The following MACC1 variants were observed in gnomAD, a reference collection of about 807,000 sequenced individuals.
MACC1 encodes MET transcriptional regulator MACC1.
MACC1 carries 79 observed loss-of-function variants against 70.7 expected under a neutral mutation model. The observed-to-expected ratio is 1.12, with a 90% CI of 0.93 to 1.35. The LOEUF (loss-of-function observed/expected upper bound fraction) is 1.35. Ranked by LOEUF, MACC1 falls within the 40% of genes most tolerant of loss-of-function variation. The pLI, the probability that MACC1 is intolerant of heterozygous loss-of-function variation, is 0.00. For missense variants in MACC1, 1,106 were observed against 978.1 expected (o/e 1.13, Z -1.74); for synonymous variants, 361 against 347.2 (o/e 1.04, Z -0.44).
chr7:20,185,150 C>T (rs1037520086), intron 1 of MACC1: 1 of 152,082 alleles, frequency 6.6e-6, no homozygotes, highest in Non-Finnish European at 1.5e-5. Context: ...TGAATTCCTC[C>T]CAAAATTGTT....
chr7:20,151,763 T>C (rs1781981873), intron 6 of MACC1, among the ~76,000 whole-genome samples: 1 of 152,204 alleles, frequency 6.6e-6, no homozygotes, highest in Admixed American at 6.5e-5. Context: ...CAATTTTTGA[T>C]AGTATCATGG....
In MACC1 at chr7:20,159,860, G is replaced by C; in HGVS notation, c.501C>G (p.Asp167Glu). Residue 167 changes from aspartate (D) to glutamate (E), a missense_variant, in exon 5 of 7, where the codon GAC becomes GAG. Coordinates refer to ENST00000400331, the MANE Select transcript of MACC1 (RefSeq NM_182762.4). ...IHNSDQILLHDLEWLKNDREA... is the reference protein window; with the variant it reads ...IHNSDQILLHELEWLKNDREA... Reference sequence around the variant, plus strand: ...CCCGATCATTTTTAAGCCACTCTAAGTCGTGTAGTAGGATCTGGTCAGAGT... The same window carrying C: ...CCCGATCATTTTTAAGCCACTCTAACTCGTGTAGTAGGATCTGGTCAGAGT... 1 of 1,614,162 alleles carries C rather than the reference G, an allele frequency of 6.2e-7. No individual in the cohort carries two copies. Among genetic ancestry groups the C allele is most frequent in the Non-Finnish European group, 8.5e-7 (1 of 1,180,036 alleles).
At chr7:20,197,815 T>A (rs955864683) in intron 1 of MACC1, among the ~76,000 whole-genome samples, 4 of 152,250 alleles carry the variant, frequency 2.6e-5, no homozygotes, top group Non-Finnish European at 4.4e-5. Flanking sequence ...CACGTATTTA[T>A]CATGACTTAG....
chr7:20,161,971 A>T, intron 3 of MACC1, 101 bp from the exon 4 acceptor site: 1 of 700,224 alleles, frequency 1.4e-6, no homozygotes, highest in Non-Finnish European at 2.5e-6. Context: ...AAAGAACTAC[A>T]TGTGAAAATC....
chr7:20,178,000 CTTTT>C (rs1210907311), intron 1 of MACC1, among the ~76,000 whole-genome samples: 5 of 151,882 alleles, frequency 3.3e-5, no homozygotes, highest in African/African-American at 1.2e-4. Flanking sequence ...TACTTTTTTA[CTTTT>C]ATTTATTTCC....
chr7:20,191,381 G>A (rs1003183202), intron 1 of MACC1, among the ~76,000 whole-genome samples: 2 of 152,206 alleles, frequency 1.3e-5, no homozygotes, highest in African/African-American at 4.8e-5. Context: ...ATGGATGGGT[G>A]CCAAGCAATA....
intron 1 of MACC1, among the ~76,000 whole-genome samples, chr7:20,192,693 T>A (rs568632425): frequency 6.6e-6 from 1 of 152,362 alleles, no homozygotes; most frequent in East Asian, 1.9e-4. Context: ...TTTGGAGTAG[T>A]TTGCTATATA....
chr7:20,217,109 A>G (rs973177273), intron 1 of MACC1, among the ~76,000 whole-genome samples, 190 bp downstream of exon 1: 1 of 152,060 alleles, frequency 6.6e-6, no homozygotes, highest in Non-Finnish European at 1.5e-5. Flanking sequence ...ATTCTATTCT[A>G]TGTCATGAGG....
At chr7:20,193,672 G>A (rs1338483374) in intron 1 of MACC1, among the ~76,000 whole-genome samples, 3 of 152,202 alleles carry the variant, frequency 2.0e-5, no homozygotes, top group Admixed American at 2.0e-4. Context: ...CAGGAAGGCA[G>A]GCCTGGTTGT....
intron 6 of MACC1, among the ~76,000 whole-genome samples, chr7:20,148,812 C>A (rs929975705): frequency 8.5e-5 from 13 of 152,164 alleles, no homozygotes; most frequent in Non-Finnish European, 1.9e-4. Flanking sequence ...CATCACTGTG[C>A]CAAATCTCTA....
chr7:20,175,161 G>A (rs1008674056), intron 1 of MACC1, among the ~76,000 whole-genome samples: 1 of 151,904 alleles, frequency 6.6e-6, no homozygotes, highest in Non-Finnish European at 1.5e-5. Context: ...ACTTATATTA[G>A]CTTCTGATTC....
rs150866816 is a variant in MACC1 at position 20,185,351 on chromosome 7, C to G, written c.-217-14573G>C. ...CATCAAAAATTGGCATTACAATTACCTAAACCAAGGAGGCATCAACTGAAT... is the reference window on the plus strand; with the variant it reads ...CATCAAAAATTGGCATTACAATTACGTAAACCAAGGAGGCATCAACTGAAT... On this transcript the variant is annotated intron_variant, in intron 1 of 6. Coordinates refer to ENST00000400331, the MANE Select transcript of MACC1 (RefSeq NM_182762.4). Among the ~76,000 whole-genome samples the G allele has an allele frequency of 3.1e-4, 47 of 152,216 alleles. 3 individuals are homozygous for G. The highest frequency in any genetic ancestry group is 1.1e-3 in the African/African-American group (44 of 41,534).
At chr7:20,181,570 A>G (rs1782507378) in intron 1 of MACC1, among the ~76,000 whole-genome samples, 1 of 152,162 alleles carries the variant, frequency 6.6e-6, no homozygotes, top group African/African-American at 2.4e-5. Flanking sequence ...ATCATTTGCT[A>G]AAATTCCATA....
intron 1 of MACC1, among the ~76,000 whole-genome samples, chr7:20,176,586 G>C (rs1782396480): frequency 6.6e-6 from 1 of 152,116 alleles, no homozygotes; most frequent in African/African-American, 2.4e-5. Flanking sequence ...GTTTATCCCA[G>C]AGAAATGAAA....
intron 1 of MACC1, among the ~76,000 whole-genome samples, chr7:20,193,601 A>C (rs1232908106): frequency 6.6e-6 from 1 of 152,170 alleles, no homozygotes; most frequent in Non-Finnish European, 1.5e-5. Context: ...CTACGATCTT[A>C]TAAGAGACAC....
At position 20,211,823 on chromosome 7, in the gene MACC1, T is replaced by G. The variant is rs562212745; in HGVS notation, c.-218+5476A>C. On this transcript the variant is annotated intron_variant, in intron 1 of 6. Transcript: ENST00000400331. ...AATAGGAATGTACTATAATATTTTATAGTACTACTTATGATAGCAAAATGC... is the reference window on the plus strand; with the variant it reads ...AATAGGAATGTACTATAATATTTTAGAGTACTACTTATGATAGCAAAATGC... Among the ~76,000 whole-genome samples the G allele has an allele frequency of 3.9e-5, 6 of 152,220 alleles. No homozygotes were observed. In the East Asian group the frequency reaches 9.6e-4, roughly 24 times the overall value.
intron 1 of MACC1, among the ~76,000 whole-genome samples, chr7:20,212,791 C>G (rs972313627): frequency 3.3e-5 from 5 of 152,050 alleles, no homozygotes; most frequent in Non-Finnish European, 5.9e-5. Context: ...TCTCTCAGAC[C>G]ACCAAGCTTA....
In MACC1 at chr7:20,139,088, C is replaced by T. The variant is rs1781760197; in HGVS notation, c.*1858G>A. The T allele has an allele frequency of 6.6e-6, 1 of 152,176 alleles. No individual in the cohort carries two copies. Among genetic ancestry groups the T allele is most frequent in the South Asian group, 2.1e-4 (1 of 4,826 alleles). The allele number at this position is 152,176 out of a possible 1,614,324, so 9.4% of individuals were successfully genotyped here. The stretch of plus-strand genomic sequence containing the variant: ...TTTTACTTTTTAGCCAAATGGACAT[C>T]TTTTATTCAGGTTCCCAAAACAAAA... On this transcript the variant is annotated 3_prime_UTR_variant, in exon 7 of 7. Transcript: ENST00000400331.
At chr7:20,187,957 T>G (rs1583404187) in intron 1 of MACC1, among the ~76,000 whole-genome samples, 1 of 152,256 alleles carries the variant, frequency 6.6e-6, no homozygotes, top group East Asian at 1.9e-4. Context: ...GAGGTTTAAT[T>G]GACTCACAGT....
Sources: gnomAD v4.1 joint callset for allele counts (sites outside exome capture counted in the v4.1 genomes callset) on GRCh38, gnomAD v4.1.1 for gene constraint, MANE v1.5 for transcripts, NCBI Gene and HGNC (gene_info 2026-07-23, HGNC 2026-07-21) for gene names.